MYO1D: variants seen among roughly 807,000 people sequenced by gnomAD.
MYO1D encodes myosin ID.
A neutral mutation model predicts 122.0 loss-of-function variants in MYO1D; 83 were observed. That is an observed-to-expected ratio of 0.68 (90% CI 0.57 to 0.82). The LOEUF is 0.82. Ranked by LOEUF, MYO1D falls within the 40% of genes least tolerant of loss-of-function variation. The pLI, the probability that MYO1D is intolerant of heterozygous loss-of-function variation, is 0.00. For synonymous variants in MYO1D, 464 were observed against 446.9 expected, an observed-to-expected ratio of 1.04 and a Z score of -0.48; for missense variants, 1,157 against 1,269.5, an observed-to-expected ratio of 0.91 and a Z score of 1.35.
rs60290556 is a variant in MYO1D at position 32,552,419 on chromosome 17, CCCATCCAT to C, written c.2864+52660_2864+52667del. The stretch of plus-strand genomic sequence containing the variant: ...CCTTTGTAATCCATCCATCCATCCA[CCCATCCAT>C]CCATCCATCCATCCATCCATCCATC... On this transcript the variant is annotated intron_variant, in intron 21 of 21. Coordinates refer to ENST00000318217, the MANE Select transcript of MYO1D (RefSeq NM_015194.3). Among the ~76,000 whole-genome samples the C allele has an allele frequency of 2.1e-3, 308 of 143,592 alleles. 3 individuals carry two copies. Among genetic ancestry groups the C allele is most frequent in the East Asian group, 0.011 (55 of 5,094 alleles). The allele number at this position is 143,592 out of a possible 152,430, so 94.2% of individuals were successfully genotyped here.
At chr17:32,607,675 A>G (rs2087645299) in intron 20 of MYO1D, among the ~76,000 whole-genome samples, 1 of 152,212 alleles carries the variant, frequency 6.6e-6, no homozygotes, top group Admixed American at 6.5e-5. Flanking sequence ...TGAAATATGT[A>G]TGGAAAAGCA....
chr17:32,728,627 CA>C (rs753768781), intron 14 of MYO1D, among the ~76,000 whole-genome samples: 7 of 152,030 alleles, frequency 4.6e-5, no homozygotes, highest in Admixed American at 1.3e-4. Context: ...AAATCAAGAG[CA>C]AAAAGATAAT....
rs533874621 is a variant in MYO1D, at chr17:32,815,498, T to C, written c.96-34714A>G. Among the ~76,000 whole-genome samples, 3 of 152,348 alleles carry C rather than the reference T, an allele frequency of 2.0e-5. No homozygotes were observed. In the South Asian group the frequency reaches 6.2e-4, roughly 32 times the overall value. ...ATGACTTAAATATTTTAAATTTTCATGTTAGTTCTTATTCTCTTAACTTTT... is the reference window on the plus strand; with the variant it reads ...ATGACTTAAATATTTTAAATTTTCACGTTAGTTCTTATTCTCTTAACTTTT... On this transcript the variant is annotated intron_variant, in intron 1 of 21. Coordinates refer to ENST00000318217, the MANE Select transcript of MYO1D (RefSeq NM_015194.3).
intron 21 of MYO1D, among the ~76,000 whole-genome samples, chr17:32,499,840 G>A (rs534237026): frequency 6.6e-6 from 1 of 152,130 alleles, no homozygotes; most frequent in African/African-American, 2.4e-5. Flanking sequence ...GCATGGGCCT[G>A]TAGTCCTAGC....
intron 21 of MYO1D, among the ~76,000 whole-genome samples, chr17:32,580,943 T>C (rs563489045): frequency 6.6e-6 from 1 of 152,332 alleles, no homozygotes; most frequent in Admixed American, 6.5e-5. Flanking sequence ...TCTGGTTTGG[T>C]ATGAGGCGAA....
At chr17:32,542,823 C>T (rs1459373580) in intron 21 of MYO1D, among the ~76,000 whole-genome samples, 1 of 152,094 alleles carries the variant, frequency 6.6e-6, no homozygotes, top group African/African-American at 2.4e-5. Flanking sequence ...GTTCCCTAAC[C>T]CCAGAGGTAT....
At chr17:32,848,592 G>A (rs935711115) in intron 1 of MYO1D, among the ~76,000 whole-genome samples, 9 of 152,204 alleles carry the variant, frequency 5.9e-5, no homozygotes, top group African/African-American at 2.2e-4. Context: ...GAGGCCATTA[G>A]TGGGCTTGAG....
intron 19 of MYO1D, among the ~76,000 whole-genome samples, chr17:32,647,589 G>T (rs2088313107): frequency 6.6e-6 from 1 of 151,898 alleles, no homozygotes; most frequent in African/African-American, 2.4e-5. Context: ...TGATTTTCCA[G>T]CTGCTTGATA....
intron 21 of MYO1D, among the ~76,000 whole-genome samples, chr17:32,603,523 T>A (rs1384501319): frequency 6.2e-5 from 3 of 48,376 alleles, no homozygotes; most frequent in Non-Finnish European, 1.7e-4. Flanking sequence ...ATTCTAAACT[T>A]TTTTTTTTTT....
At chr17:32,630,648 C>T (rs2087992057) in intron 20 of MYO1D, among the ~76,000 whole-genome samples, 1 of 151,594 alleles carries the variant, frequency 6.6e-6, no homozygotes, top group Admixed American at 6.6e-5. Flanking sequence ...TCTCGGCTCA[C>T]CGCAAGCTCC....
At chr17:32,841,715 C>G (rs2090883919) in intron 1 of MYO1D, among the ~76,000 whole-genome samples, 1 of 152,058 alleles carries the variant, frequency 6.6e-6, no homozygotes, top group Non-Finnish European at 1.5e-5. Context: ...AGACAGGACT[C>G]ACGATAGGGT....
chr17:32,810,947 G>A (rs899195375), intron 1 of MYO1D, among the ~76,000 whole-genome samples: 2 of 152,116 alleles, frequency 1.3e-5, no homozygotes, highest in Non-Finnish European at 2.9e-5. Flanking sequence ...ATGGGTTTAG[G>A]TTATTTGCCT....
intron 21 of MYO1D, among the ~76,000 whole-genome samples, chr17:32,500,305 G>A (rs2150852222): frequency 6.6e-6 from 1 of 152,360 alleles, no homozygotes; most frequent in Admixed American, 6.5e-5. Flanking sequence ...GAATGAGGAA[G>A]ACAATGGGCA....
At chr17:32,505,584 T>G (rs1909477893) in intron 21 of MYO1D, 1 of 152,106 alleles carries the variant, frequency 6.6e-6, no homozygotes, top group Non-Finnish European at 1.5e-5. Flanking sequence ...CTGCCCCGTC[T>G]GTGAACAGGA....
Position 32,802,086 on chromosome 17 carries a change from A to C in MYO1D, c.96-21302T>G, listed in dbSNP as rs185170972. Reference sequence around the variant, plus strand: ...ACCAGCCTTCTAGGAGACACATACCATTGATTACAAGGGAGAACAGACCAA... The same window carrying C: ...ACCAGCCTTCTAGGAGACACATACCCTTGATTACAAGGGAGAACAGACCAA... On this transcript the variant is annotated intron_variant, in intron 1 of 21. Coordinates refer to ENST00000318217, the MANE Select transcript of MYO1D (RefSeq NM_015194.3). Among the ~76,000 whole-genome samples the C allele has an allele frequency of 2.2e-3, 342 of 152,354 alleles. 1 individual carries two copies. Among genetic ancestry groups the C allele is most frequent in the African/African-American group, 7.4e-3 (306 of 41,582 alleles).
chr17:32,537,803 C>A (rs1411853461), intron 21 of MYO1D, among the ~76,000 whole-genome samples: 1 of 152,076 alleles, frequency 6.6e-6, no homozygotes, highest in Non-Finnish European at 1.5e-5. Context: ...TGGGTTTTGG[C>A]TTTAGAATCA....
intron 1 of MYO1D, among the ~76,000 whole-genome samples, chr17:32,847,214 C>T (rs1467473204): frequency 2.0e-5 from 3 of 152,138 alleles, no homozygotes; most frequent in Non-Finnish European, 2.9e-5. Flanking sequence ...AGAATGTCAA[C>T]GATGCCAAAC....
At chr17:32,847,918 A>T (rs1014181320) in intron 1 of MYO1D, among the ~76,000 whole-genome samples, 4 of 152,248 alleles carry the variant, frequency 2.6e-5, no homozygotes, top group African/African-American at 4.8e-5. Flanking sequence ...ATAAGAACCA[A>T]AGATTGTTTA....
intron 11 of MYO1D, among the ~76,000 whole-genome samples, chr17:32,751,325 T>C (rs542884399): frequency 6.6e-6 from 1 of 152,134 alleles, no homozygotes; most frequent in African/African-American, 2.4e-5. Context: ...CAGAATAGCA[T>C]GTGTAATAAA....
Sources: gnomAD v4.1 joint callset for allele counts (sites outside exome capture counted in the v4.1 genomes callset) on GRCh38, gnomAD v4.1.1 for gene constraint, MANE v1.5 for transcripts, NCBI Gene and HGNC (gene_info 2026-07-23, HGNC 2026-07-21) for gene names.